The following CDK14 variants were observed in gnomAD, a reference collection of about 807,000 sequenced individuals.
CDK14 encodes cyclin dependent kinase 14, also known as cyclin-dependent kinase 14.
A neutral mutation model predicts 60.7 loss-of-function variants in CDK14; 34 were observed. The ratio of observed to expected loss-of-function variants is 0.56; its 90% CI spans 0.43 to 0.75. The LOEUF is 0.75. Ranked by LOEUF, CDK14 falls within the 30% of genes least tolerant of loss-of-function variation. CDK14 has a pLI of 0.00. For missense variants in CDK14, 482 were observed against 564.1 expected (o/e 0.85, Z 1.47); for synonymous variants, 197 against 203.7 (o/e 0.97, Z 0.28).
chr7:90,763,306 A>G (rs941431856), intron 4 of CDK14, among the ~76,000 whole-genome samples: 8 of 152,152 alleles, frequency 5.3e-5, no homozygotes, highest in African/African-American at 1.9e-4. Flanking sequence ...CAAAGTAAAC[A>G]AAGTGGAAGC....
At chr7:91,178,911 G>A (rs895733030) in intron 14 of CDK14, among the ~76,000 whole-genome samples, 1 of 151,970 alleles carries the variant, frequency 6.6e-6, no homozygotes, top group Non-Finnish European at 1.5e-5. Flanking sequence ...GATTCCTCAG[G>A]GATCTAGAAC....
intron 6 of CDK14, among the ~76,000 whole-genome samples, chr7:90,870,804 T>C (rs931502072): frequency 1.3e-4 from 20 of 152,224 alleles, no homozygotes; most frequent in Admixed American, 5.2e-4. Flanking sequence ...TACAGAAATA[T>C]AAGCTTCATA....
intron 12 of CDK14, among the ~76,000 whole-genome samples, chr7:91,096,084 A>AAAAAC (rs1798982279): frequency 6.6e-6 from 1 of 150,846 alleles, no homozygotes; most frequent in South Asian, 2.1e-4. Flanking sequence ...AAAAAAAAAA[A>AAAAAC]AAAACAGTTA....
chr7:90,998,745 T>C (rs971880019), intron 10 of CDK14, among the ~76,000 whole-genome samples: 8 of 151,930 alleles, frequency 5.3e-5, no homozygotes, highest in Non-Finnish European at 8.8e-5. Context: ...AAAAATTAGC[T>C]GGGTGTGGTT....
rs1279497722 is a variant in CDK14, at chr7:90,669,768, A to G, written c.124-56799A>G. Among the ~76,000 whole-genome samples, 4 of 152,224 alleles carry G rather than the reference A, an allele frequency of 2.6e-5. No homozygotes were observed. In the East Asian group the frequency reaches 7.7e-4, roughly 29 times the overall value. On this transcript the variant is annotated intron_variant, in intron 2 of 14. Transcript: ENST00000380050. Reference sequence around the variant, plus strand: ...ACAGATCTAGTGGTTGGAACTGAGAACACAAGATATAAGAAGATATTTTCT... The same window carrying G: ...ACAGATCTAGTGGTTGGAACTGAGAGCACAAGATATAAGAAGATATTTTCT...
chr7:91,142,943 C>T (rs890821083), intron 14 of CDK14, among the ~76,000 whole-genome samples: 1 of 152,170 alleles, frequency 6.6e-6, no homozygotes, highest in Non-Finnish European at 1.5e-5. Flanking sequence ...AAGACATGGT[C>T]CCTATTGTCA....
chr7:90,989,310 A>G (rs887970829), intron 10 of CDK14, among the ~76,000 whole-genome samples: 1 of 152,178 alleles, frequency 6.6e-6, no homozygotes, highest in East Asian at 1.9e-4. Context: ...GATGTATTAT[A>G]ACAGCCACAT....
intron 4 of CDK14, among the ~76,000 whole-genome samples, chr7:90,773,961 T>G (rs576094389): frequency 6.7e-6 from 1 of 149,436 alleles, no homozygotes; most frequent in South Asian, 2.1e-4. Flanking sequence ...TGGAGTGCAG[T>G]TGTGCGATCC....
intron 14 of CDK14, among the ~76,000 whole-genome samples, chr7:91,130,099 A>C (rs1435791836): frequency 6.6e-6 from 1 of 152,162 alleles, no homozygotes; most frequent in East Asian, 1.9e-4. Context: ...GGCTATTAAA[A>C]TACTTTTTTC....
intron 11 of CDK14, among the ~76,000 whole-genome samples, chr7:91,073,854 A>G (rs906522328): frequency 1.3e-5 from 2 of 152,156 alleles, no homozygotes; most frequent in Non-Finnish European, 2.9e-5. Flanking sequence ...TTGCAGTCCT[A>G]GTCTCTTGAC....
At chr7:90,829,607 C>T (rs908700161) in intron 5 of CDK14, among the ~76,000 whole-genome samples, 7 of 152,084 alleles carry the variant, frequency 4.6e-5, no homozygotes, top group African/African-American at 7.2e-5. Flanking sequence ...TTTTGGCTCA[C>T]GGCAACCTCC....
chr7:90,738,847 C>A (rs1803233518), intron 3 of CDK14, among the ~76,000 whole-genome samples: 1 of 151,576 alleles, frequency 6.6e-6, no homozygotes, highest in Non-Finnish European at 1.5e-5. Flanking sequence ...GAAAAAAAGA[C>A]AAAGGACTCC....
intron 10 of CDK14, among the ~76,000 whole-genome samples, chr7:90,990,371 G>A (rs1393274064): frequency 6.6e-6 from 1 of 152,146 alleles, no homozygotes; most frequent in Admixed American, 6.5e-5. Flanking sequence ...TTAGGGTGAA[G>A]AACATTGAAA....
chr7:90,839,155 G>A (rs1366089743), intron 5 of CDK14, among the ~76,000 whole-genome samples: 1 of 152,200 alleles, frequency 6.6e-6, no homozygotes, highest in Admixed American at 6.5e-5. Flanking sequence ...TGGTTCCCCT[G>A]ATAGTTGAGC....
At chr7:91,079,521 CTTTT>C in intron 12 of CDK14, 41 bp downstream of exon 12, 1 of 1,368,642 alleles carries the variant, frequency 7.3e-7, no homozygotes, top group Non-Finnish European at 1.0e-6. Context: ...CTTTCTTTCT[CTTTT>C]AATATTTACA....
chr7:91,179,190 T>A (rs538541331), intron 14 of CDK14, among the ~76,000 whole-genome samples: 124 of 152,094 alleles, frequency 8.2e-4, no homozygotes, highest in African/African-American at 2.8e-3. Flanking sequence ...AATGATGAGT[T>A]CATGTCCTTT....
intron 11 of CDK14, 54 bp from the exon 12 acceptor site, chr7:91,079,378 G>T: frequency 8.2e-7 from 1 of 1,212,562 alleles, no homozygotes; most frequent in Non-Finnish European, 1.2e-6. Flanking sequence ...CAACATACTT[G>T]TAATATATAC....
intron 4 of CDK14, among the ~76,000 whole-genome samples, chr7:90,788,800 A>G (rs1234487070): frequency 3.3e-5 from 5 of 152,196 alleles, no homozygotes; most frequent in South Asian, 2.1e-4. Flanking sequence ...TCTGGCCCAC[A>G]TAAGTTCTCC....
chr7:90,758,326 T>A (rs1804167753), intron 4 of CDK14, among the ~76,000 whole-genome samples: 2 of 152,158 alleles, frequency 1.3e-5, no homozygotes, highest in Admixed American at 1.3e-4. Context: ...GCAGTTATCA[T>A]TACTTCTGAC....
Sources: allele counts gnomAD v4.1 joint callset (sites outside exome capture counted in the v4.1 genomes callset), GRCh38; gene constraint gnomAD v4.1.1; transcripts MANE v1.5; gene names NCBI Gene and HGNC (gene_info 2026-07-23, HGNC 2026-07-21).